The following SLC25A16 variants were observed in gnomAD, a reference collection of about 807,000 sequenced individuals.
The protein encoded by SLC25A16 is solute carrier family 25 member 16.
Under a neutral mutation model 41.5 loss-of-function variants are expected in SLC25A16, and 39 were observed. That is an observed-to-expected ratio of 0.94 (90% CI 0.73 to 1.23). The LOEUF (loss-of-function observed/expected upper bound fraction) is 1.23, where lower values mean the gene tolerates loss of function less well. Ranked by LOEUF, SLC25A16 falls within the 50% of genes most tolerant of loss-of-function variation. The probability of loss-of-function intolerance (pLI) is 0.00; values close to 1 mark genes in which losing one functional copy is unlikely to be tolerated. For synonymous variants in SLC25A16, 146 were observed against 147.8 expected (o/e 0.99, Z 0.09); for missense variants, 421 against 426.9 (o/e 0.99, Z 0.12).
chr10:68,513,165 T>C (rs769407359), intron 2 of SLC25A16, among the ~76,000 whole-genome samples: 4 of 149,740 alleles, frequency 2.7e-5, no homozygotes, highest in Non-Finnish European at 5.9e-5. Flanking sequence ...AGGGAACAAG[T>C]GAGACCTACT....
At chr10:68,499,085 T>A (rs1170094127) in intron 4 of SLC25A16, among the ~76,000 whole-genome samples, 1 of 151,528 alleles carries the variant, frequency 6.6e-6, no homozygotes, top group Non-Finnish European at 1.5e-5. Flanking sequence ...TCAGAACAAC[T>A]GAGATAGAGG....
intron 3 of SLC25A16, among the ~76,000 whole-genome samples, chr10:68,506,189 C>A (rs1321000275): frequency 6.6e-6 from 1 of 152,112 alleles, no homozygotes; most frequent in Non-Finnish European, 1.5e-5. Flanking sequence ...AACTTTTTGG[C>A]CTGGTACCAT....
chr10:68,496,599 G>A, intron 4 of SLC25A16: 7 of 983,840 alleles, frequency 7.1e-6, no homozygotes, highest in Non-Finnish European at 7.2e-6. Context: ...CCTCTCTTAA[G>A]TCAAGAAACT....
intron 1 of SLC25A16, among the ~76,000 whole-genome samples, chr10:68,521,597 T>G (rs2053250604): frequency 7.1e-6 from 1 of 139,952 alleles, no homozygotes; most frequent in Non-Finnish European, 1.6e-5. Context: ...TTTTTTTTTT[T>G]TTTTTTTTTT....
intron 4 of SLC25A16, among the ~76,000 whole-genome samples, chr10:68,501,831 TTCCA>T (rs2052851077): frequency 6.6e-6 from 1 of 152,170 alleles, no homozygotes; most frequent in Non-Finnish European, 1.5e-5. Flanking sequence ...GGAAAACTTA[TTCCA>T]TCCATCCCTC....
chr10:68,509,750 T>A (rs545790194), intron 2 of SLC25A16, among the ~76,000 whole-genome samples: 2 of 134,358 alleles, frequency 1.5e-5, no homozygotes, highest in East Asian at 4.0e-4. Flanking sequence ...TATCTATATA[T>A]ATAGATATAT....
At chr10:68,501,122 A>T (rs2052836447) in intron 4 of SLC25A16, among the ~76,000 whole-genome samples, 1 of 151,570 alleles carries the variant, frequency 6.6e-6, no homozygotes, top group Non-Finnish European at 1.5e-5. Flanking sequence ...CATGTGGCAC[A>T]CACCTGTAAT....
chr10:68,483,809 C>T (rs1173228187), intron 8 of SLC25A16, among the ~76,000 whole-genome samples: 20 of 151,976 alleles, frequency 1.3e-4, no homozygotes, highest in African/African-American at 3.6e-4. Context: ...ATTACAGGCA[C>T]GCGCCACCAT....
rs71019019 is a variant in SLC25A16 at position 68,507,070 on chromosome 10, CTTTTTT to C, written c.224-358_224-353del. Among the ~76,000 whole-genome samples the C allele has an allele frequency of 4.9e-3, 563 of 115,592 alleles. 4 individuals are homozygous for C. The highest frequency in any genetic ancestry group is 0.017 in the African/African-American group (535 of 30,986). The allele number at this position is 115,592 out of a possible 152,430, so 75.8% of individuals were successfully genotyped here. A position where few individuals can be genotyped will look rare whatever the true frequency, so the allele number is the denominator to read the frequency against. ...AGGTTTGCACTAAAGATGACCTACT[CTTTTTT>C]TTTTTTTTTTTTTTTGAGACAGTTT... On this transcript the variant is annotated intron_variant, in intron 2 of 8. Coordinates refer to ENST00000609923, the MANE Select transcript of SLC25A16 (RefSeq NM_152707.4).
rs911905826 is a variant in SLC25A16 at position 68,523,034 on chromosome 10, G to A, written c.130+4212C>T. On this transcript the variant is annotated intron_variant, in intron 1 of 8. Coordinates refer to ENST00000609923, the MANE Select transcript of SLC25A16 (RefSeq NM_152707.4). Reference sequence around the variant, plus strand: ...TGGAACTACTCTATATCTTGACTATGGTGGTCATTACACAACATGTTTGTC... The same window carrying A: ...TGGAACTACTCTATATCTTGACTATAGTGGTCATTACACAACATGTTTGTC... 4.5e-4 allele frequency among the ~76,000 whole-genome samples: 69 copies of A among 152,126 alleles called. 1 individual carries two copies. The highest frequency in any genetic ancestry group is 1.6e-3 in the African/African-American group (66 of 41,438).
rs565977073 is a variant in SLC25A16, at chr10:68,479,422, C to T, written c.*4010G>A. 2 of 152,148 alleles carry T rather than the reference C, an allele frequency of 1.3e-5. No homozygotes were observed. Among genetic ancestry groups the T allele is most frequent in the Admixed American group, 1.3e-4 (2 of 15,270 alleles). The allele number at this position is 152,148 out of a possible 1,614,324, so 9.4% of individuals were successfully genotyped here. A position where few individuals can be genotyped will look rare whatever the true frequency, so the allele number is the denominator to read the frequency against. ...CAAATCAGATTGCAAGTACAGCTAA[C>T]AAGCCTCCCAAGGGAAGTCCTCCAT... On this transcript the variant is annotated 3_prime_UTR_variant, in exon 9 of 9. Coordinates refer to ENST00000609923, the MANE Select transcript of SLC25A16 (RefSeq NM_152707.4).
intron 2 of SLC25A16, among the ~76,000 whole-genome samples, 184 bp from the exon 3 acceptor site, chr10:68,506,902 TATAA>T (rs3831346): frequency 0.16 from 24,128 of 151,732 alleles, 2,132 homozygotes; most frequent in Admixed American, 0.26. Flanking sequence ...ATCCAAATAA[TATAA>T]ATAAGCACAC....
At chr10:68,504,910 C>T (rs1253726770) in intron 3 of SLC25A16, among the ~76,000 whole-genome samples, 1 of 152,008 alleles carries the variant, frequency 6.6e-6, no homozygotes, top group African/African-American at 2.4e-5. Flanking sequence ...AAACTTCCGA[C>T]CTCAGCTGAT....
At chr10:68,485,850 T>C (rs1325477820) in intron 8 of SLC25A16, among the ~76,000 whole-genome samples, 1 of 146,322 alleles carries the variant, frequency 6.8e-6, no homozygotes, top group Non-Finnish European at 1.5e-5. Context: ...CAGGCTGGAG[T>C]GCAGTGGTGC....
At chr10:68,510,868 G>A (rs994098103) in intron 2 of SLC25A16, among the ~76,000 whole-genome samples, 2 of 152,008 alleles carry the variant, frequency 1.3e-5, no homozygotes, top group South Asian at 2.1e-4. Context: ...TTTTCGAAAA[G>A]AGCAAAATTA....
chr10:68,522,436 T>TTGGGAGGCCAAGGC (rs1453187182), intron 1 of SLC25A16, among the ~76,000 whole-genome samples: 1 of 151,888 alleles, frequency 6.6e-6, no homozygotes, highest in East Asian at 1.9e-4. Context: ...TTCTAACACA[T>TTGGGAGGCCAAGGC]TGGGAGGCCA....
chr10:68,505,373 G>T (rs2133553543), intron 3 of SLC25A16, among the ~76,000 whole-genome samples: 1 of 151,598 alleles, frequency 6.6e-6, no homozygotes, highest in East Asian at 1.9e-4. Context: ...AAGAAAAGAG[G>T]GAGGGAAGGA....
In SLC25A16 at chr10:68,490,491, C is replaced by T. The variant is rs554453818; in HGVS notation, c.611-1862G>A. Among the ~76,000 whole-genome samples, 14 of 151,896 alleles carry T rather than the reference C, an allele frequency of 9.2e-5. No homozygotes were observed. The South Asian group carries it at 2.5e-3, about 27-fold the overall frequency. ...CTGAGTAGCTGGGATTACAGGCGTG[C>T]GCCACCACGCCTGGCTAATTTTTGT... On this transcript the variant is annotated intron_variant, in intron 6 of 8. Coordinates refer to ENST00000609923, the MANE Select transcript of SLC25A16 (RefSeq NM_152707.4).
At chr10:68,509,650 C>T (rs1056661769) in intron 2 of SLC25A16, among the ~76,000 whole-genome samples, 2 of 150,806 alleles carry the variant, frequency 1.3e-5, no homozygotes, top group Non-Finnish European at 2.9e-5. Context: ...CTGCAGTGAG[C>T]TGTGATCACA....
Sources: allele counts gnomAD v4.1 joint callset (sites outside exome capture counted in the v4.1 genomes callset), GRCh38; gene constraint gnomAD v4.1.1; transcripts MANE v1.5; gene names NCBI Gene and HGNC (gene_info 2026-07-23, HGNC 2026-07-21).